MAP3K20: variants seen among roughly 807,000 people sequenced by gnomAD.
MAP3K20 encodes the protein mitogen-activated protein kinase kinase kinase 20.
MAP3K20 carries 40 observed loss-of-function variants against 85.7 expected under a neutral mutation model. That is an observed-to-expected ratio of 0.47 (90% CI 0.36 to 0.61). The LOEUF is 0.61. Ranked by LOEUF, MAP3K20 falls within the 20% of genes least tolerant of loss-of-function variation. The pLI, the probability that MAP3K20 is intolerant of heterozygous loss-of-function variation, is 0.00. For missense variants in MAP3K20, 817 were observed against 961.7 expected, an observed-to-expected ratio of 0.85 and a Z score of 1.99; for synonymous variants, 325 against 327.7, an observed-to-expected ratio of 0.99 and a Z score of 0.09.
intron 2 of MAP3K20, among the ~76,000 whole-genome samples, chr2:173,157,164 G>A (rs1490109814): frequency 6.6e-6 from 1 of 152,152 alleles, no homozygotes; most frequent in Non-Finnish European, 1.5e-5. Context: ...AAGCCATTAG[G>A]GGAGAAGTGA....
At chr2:173,150,935 G>GT (rs1380829331) in intron 2 of MAP3K20, among the ~76,000 whole-genome samples, 1 of 152,200 alleles carries the variant, frequency 6.6e-6, no homozygotes, top group Non-Finnish European at 1.5e-5. Context: ...CGCCTAGCAT[G>GT]TACTTTACAT....
At chr2:173,170,274 G>A (rs908479144) in intron 3 of MAP3K20, among the ~76,000 whole-genome samples, 1 of 152,110 alleles carries the variant, frequency 6.6e-6, no homozygotes, top group Non-Finnish European at 1.5e-5. Flanking sequence ...TTCTTTGCAA[G>A]GCATTTTAAT....
chr2:173,203,660 T>TAATC, intron 8 of MAP3K20, 136 bp from the exon 9 acceptor site: 3 of 672,032 alleles, frequency 4.5e-6, no homozygotes, highest in Non-Finnish European at 7.8e-6. Flanking sequence ...TGTCACATAT[T>TAATC]AATCAATGGA....
At chr2:173,246,821 G>A (rs1684926980) in intron 16 of MAP3K20, among the ~76,000 whole-genome samples, 1 of 152,108 alleles carries the variant, frequency 6.6e-6, no homozygotes, top group African/African-American at 2.4e-5. Context: ...GAAAAGTAAC[G>A]GAAACAGCAC....
chr2:173,179,704 G>GCGCACA (rs374335619), intron 3 of MAP3K20, among the ~76,000 whole-genome samples: 5,551 of 146,126 alleles, frequency 0.038, 267 homozygotes, highest in East Asian at 0.28. Context: ...TAAGGAATGC[G>GCGCACA]CACACACACA....
intron 2 of MAP3K20, among the ~76,000 whole-genome samples, chr2:173,114,304 A>G (rs1255039207): frequency 1.3e-5 from 2 of 152,146 alleles, no homozygotes; most frequent in African/African-American, 4.8e-5. Flanking sequence ...TCCTGAAGAC[A>G]GCAGATGGTT....
intron 2 of MAP3K20, among the ~76,000 whole-genome samples, chr2:173,121,681 C>T (rs1372253460): frequency 6.6e-6 from 1 of 152,178 alleles, no homozygotes; most frequent in African/African-American, 2.4e-5. Flanking sequence ...GCCACCGCGC[C>T]CGGCTGGAGA....
intron 10 of MAP3K20, chr2:173,214,604 A>G (rs187625351): frequency 8.9e-4 from 135 of 152,340 alleles, no homozygotes; most frequent in African/African-American, 3.1e-3. Context: ...TATATATTCT[A>G]TATCACTCTT....
chr2:173,126,741 A>C (rs1688456217), intron 2 of MAP3K20, among the ~76,000 whole-genome samples: 1 of 152,026 alleles, frequency 6.6e-6, no homozygotes, highest in Non-Finnish European at 1.5e-5. Flanking sequence ...TCTAGAGGGA[A>C]GGGGAGTGAG....
chr2:173,260,394 C>G (rs550335156), intron 17 of MAP3K20, among the ~76,000 whole-genome samples: 4 of 152,172 alleles, frequency 2.6e-5, no homozygotes, highest in Non-Finnish European at 5.9e-5. Flanking sequence ...AGCTAAATCT[C>G]TATCACATTT....
intron 14 of MAP3K20, among the ~76,000 whole-genome samples, chr2:173,233,224 G>A (rs1684563690): frequency 6.6e-6 from 1 of 152,144 alleles, no homozygotes; most frequent in African/African-American, 2.4e-5. Context: ...AAGGACCCCA[G>A]AATTTCTGCA....
At chr2:173,186,100 A>AG (rs1392936363) in intron 4 of MAP3K20, among the ~76,000 whole-genome samples, 5 of 152,226 alleles carry the variant, frequency 3.3e-5, no homozygotes. Context: ...CTAATACTTT[A>AG]TGGTACTTTT....
At chr2:173,206,004 C>T (rs1006914350) in intron 9 of MAP3K20, among the ~76,000 whole-genome samples, 5 of 152,168 alleles carry the variant, frequency 3.3e-5, no homozygotes, top group African/African-American at 1.2e-4. Flanking sequence ...TATCATACTA[C>T]CCCTTCCCTA....
chr2:173,157,775 G>T (rs1353666372), intron 2 of MAP3K20, among the ~76,000 whole-genome samples: 2 of 152,208 alleles, frequency 1.3e-5, no homozygotes, highest in Non-Finnish European at 2.9e-5. Context: ...ATGGCCTAGT[G>T]CCTGTAGGGA....
In MAP3K20 at chr2:173,266,712, A is replaced by C; in HGVS notation, c.2365A>C (p.Arg789=). ...ATCTCCCGCCAAAACCAATAAAGAGAGAGCCAGAGGGGACCACCGTGGATG... is the reference window on the plus strand; with the variant it reads ...ATCTCCCGCCAAAACCAATAAAGAGCGAGCCAGAGGGGACCACCGTGGATG... ...RPSPAKTNKE[R]ARGDHRGWRN... The change falls in exon 20 of 20, where the codon AGA becomes CGA. Residue 789 remains arginine (R), a synonymous_variant. Transcript: ENST00000375213. 2 of 1,584,940 alleles carry C rather than the reference A, an allele frequency of 1.3e-6. No homozygotes were observed. Among genetic ancestry groups the C allele is most frequent in the Non-Finnish European group, 8.6e-7 (1 of 1,165,802 alleles).
intron 14 of MAP3K20, 36 bp downstream of exon 14, chr2:173,232,495 C>T (rs762032706): frequency 2.5e-6 from 4 of 1,601,098 alleles, no homozygotes; most frequent in Admixed American, 3.5e-5. Context: ...ATCAGCAAAC[C>T]CTTTTTTTGT....
intron 5 of MAP3K20, 91 bp from the exon 6 acceptor site, chr2:173,190,804 G>T: frequency 8.5e-7 from 1 of 1,179,930 alleles, no homozygotes; most frequent in South Asian, 1.5e-5. Context: ...CCATATTGAA[G>T]ACAGAAATAG....
chr2:173,124,896 G>A (rs1402692874), intron 2 of MAP3K20, among the ~76,000 whole-genome samples: 1 of 152,200 alleles, frequency 6.6e-6, no homozygotes, highest in Non-Finnish European at 1.5e-5. Context: ...TCTGAGGCAG[G>A]AGGATCACTT....
At chr2:173,256,724 T>G (rs920902981) in intron 16 of MAP3K20, among the ~76,000 whole-genome samples, 14 of 152,224 alleles carry the variant, frequency 9.2e-5, no homozygotes, top group African/African-American at 3.1e-4. Flanking sequence ...TTTACTATAC[T>G]TGGCTTATCA....
Sources: gnomAD v4.1 joint callset for allele counts (sites outside exome capture counted in the v4.1 genomes callset) on GRCh38, gnomAD v4.1.1 for gene constraint, MANE v1.5 for transcripts, NCBI Gene and HGNC (gene_info 2026-07-23, HGNC 2026-07-21) for gene names.